C17orf67: variants seen among roughly 807,000 people sequenced by gnomAD.
C17orf67 encodes the protein uncharacterized protein C17orf67.
Under a neutral mutation model 11.2 loss-of-function variants are expected in C17orf67, and 12 were observed. The observed-to-expected ratio is 1.07, with a 90% CI of 0.68 to 1.73. The LOEUF is 1.73. Among genes scored for constraint, C17orf67 ranks in the 40% most tolerant of loss-of-function variants. The pLI is 0.00. For missense variants in C17orf67, 115 were observed against 113.5 expected, an observed-to-expected ratio of 1.01 and a Z score of -0.06; for synonymous variants, 59 against 46.9, an observed-to-expected ratio of 1.26 and a Z score of -1.05.
chr17:56,805,570 A>T (rs1204444716), intron 6 of C17orf67, among the ~76,000 whole-genome samples: 2 of 152,246 alleles, frequency 1.3e-5, no homozygotes, highest in African/African-American at 4.8e-5. Flanking sequence ...ATTGAATATT[A>T]AAAATAACAT....
At chr17:56,795,876 G>A (rs1463863581) in intron 6 of C17orf67, among the ~76,000 whole-genome samples, 1 of 152,166 alleles carries the variant, frequency 6.6e-6, no homozygotes, top group Non-Finnish European at 1.5e-5. Context: ...CTTAGAAATA[G>A]CATACTGAGT....
At chr17:56,810,864 T>A (rs1323125268) in intron 6 of C17orf67, among the ~76,000 whole-genome samples, 1 of 152,214 alleles carries the variant, frequency 6.6e-6, no homozygotes, top group African/African-American at 2.4e-5. Context: ...TTAAATGCAG[T>A]AAATTACCTC....
chr17:56,827,997 G>C (rs752441723), intron 2 of C17orf67, among the ~76,000 whole-genome samples: 39 of 151,658 alleles, frequency 2.6e-4, no homozygotes, highest in Non-Finnish European at 5.4e-4. Flanking sequence ...GCGAGATCAG[G>C]AGTTCGAGAT....
intron 6 of C17orf67, among the ~76,000 whole-genome samples, chr17:56,797,452 C>T (rs1485946386): frequency 6.6e-6 from 1 of 152,082 alleles, no homozygotes; most frequent in Non-Finnish European, 1.5e-5. Context: ...AGGGCCCAAT[C>T]AGAAGCCAGC....
At chr17:56,826,108 C>A (rs1906024498) in intron 2 of C17orf67, among the ~76,000 whole-genome samples, 1 of 152,148 alleles carries the variant, frequency 6.6e-6, no homozygotes, top group Admixed American at 6.5e-5. Context: ...GCACGCACCA[C>A]CACACCCAGC....
chr17:56,815,955 G>A lies in C17orf67; in HGVS notation c.-145C>T. 2 of 1,459,038 alleles carry A rather than the reference G, an allele frequency of 1.4e-6. No individual in the cohort carries two copies. Among genetic ancestry groups the A allele is most frequent in the Non-Finnish European group, 1.8e-6 (2 of 1,085,302 alleles). 90.4% of individuals were successfully genotyped at this position (1,459,038 alleles called of 1,614,324 possible). A position where few individuals can be genotyped will look rare whatever the true frequency, so the allele number is the denominator to read the frequency against. ...TGATGCTGAATGTATCTGACTCTGA[G>A]CGTTTTAGTAATGACCACTGAAATA... On this transcript the variant is annotated 5_prime_UTR_variant, in exon 5 of 8. Coordinates refer to ENST00000397861, the MANE Select transcript of C17orf67 (RefSeq NM_001085430.4).
intron 6 of C17orf67, among the ~76,000 whole-genome samples, chr17:56,805,971 C>CTTTTTT (rs10684052): frequency 1.3e-4 from 13 of 98,024 alleles, no homozygotes; most frequent in East Asian, 6.6e-4. Flanking sequence ...GTTGATTTTC[C>CTTTTTT]TTTTTTTTTT....
chr17:56,810,851 C>T (rs1242232840), intron 6 of C17orf67, among the ~76,000 whole-genome samples: 1 of 152,250 alleles, frequency 6.6e-6, no homozygotes, highest in Admixed American at 6.5e-5. Flanking sequence ...TTGACAGTCA[C>T]AGTTAAATGC....
At chr17:56,817,281 T>C (rs1397119770) in intron 4 of C17orf67, among the ~76,000 whole-genome samples, 1 of 152,198 alleles carries the variant, frequency 6.6e-6, no homozygotes, top group African/African-American at 2.4e-5. Context: ...AAGAAAACAA[T>C]ACCCTATGTG....
At chr17:56,807,782 T>G (rs569935501) in intron 6 of C17orf67, among the ~76,000 whole-genome samples, 2 of 151,790 alleles carry the variant, frequency 1.3e-5, no homozygotes, top group Non-Finnish European at 2.9e-5. Context: ...CCACTTTGTC[T>G]AAAGTAGAAA....
intron 2 of C17orf67, 78 bp downstream of exon 2, chr17:56,832,820 C>T (rs772265340): frequency 1.3e-5 from 2 of 152,184 alleles, no homozygotes; most frequent in African/African-American, 4.8e-5. Context: ...CTAGCTTTAT[C>T]TTCTACAGTT....
intron 6 of C17orf67, among the ~76,000 whole-genome samples, chr17:56,809,483 AAC>A (rs143751095): frequency 6.6e-6 from 1 of 151,324 alleles, no homozygotes; most frequent in Non-Finnish European, 1.5e-5. Context: ...GCCTTTTCAA[AAC>A]ACACACACAC....
intron 6 of C17orf67, among the ~76,000 whole-genome samples, chr17:56,813,815 T>C (rs1026151837): frequency 7.9e-5 from 12 of 151,200 alleles, no homozygotes; most frequent in Non-Finnish European, 1.3e-4. Context: ...TTATTTTACA[T>C]TATTATTTAT....
chr17:56,802,992 C>T lies in C17orf67; in HGVS notation c.157-7812G>A, dbSNP rs368316026. ...GGAATCCAGGCAGTGGTACCCAATT[C>T]TATTAGCGGTCATCGTATCCTTCCC... On this transcript the variant is annotated intron_variant, in intron 6 of 7. Transcript: ENST00000397861. Among the ~76,000 whole-genome samples the T allele has an allele frequency of 2.0e-5, 3 of 152,254 alleles. No homozygotes were observed. In the East Asian group the frequency reaches 5.8e-4, roughly 29 times the overall value.
Position 56,824,820 on chromosome 17 carries a change from C to T in C17orf67, c.-282G>A, listed in dbSNP as rs1905986222. The T allele has an allele frequency of 6.6e-6, 1 of 152,136 alleles. No homozygotes were observed. The highest frequency in any genetic ancestry group is 1.5e-5 in the Non-Finnish European group (1 of 68,034). The allele number at this position is 152,136 out of a possible 1,614,324, so 9.4% of individuals were successfully genotyped here. A position where few individuals can be genotyped will look rare whatever the true frequency, so the allele number is the denominator to read the frequency against. On this transcript the variant is annotated 5_prime_UTR_variant, in exon 4 of 8. Transcript: ENST00000397861. ...GCTTTGGGCTTTTCAGTCTTTCAAA[C>T]AAAACTGTATCATTCAGGGATACCC...
chr17:56,809,713 TCA>T (rs1905550350), intron 6 of C17orf67, among the ~76,000 whole-genome samples: 1 of 120,852 alleles, frequency 8.3e-6, no homozygotes, highest in Non-Finnish European at 1.7e-5. Context: ...CACACACTCC[TCA>T]CACATACACC....
rs762414230 is a variant in C17orf67, at chr17:56,833,198, G to T, written c.-857C>A. 1 of 153,538 alleles carries T rather than the reference G, an allele frequency of 6.5e-6. No individual in the cohort carries two copies. Among genetic ancestry groups the T allele is most frequent in the South Asian group, 1.9e-4 (1 of 5,194 alleles). The allele number at this position is 153,538 out of a possible 1,614,324, so 9.5% of individuals were successfully genotyped here. On this transcript the variant is annotated 5_prime_UTR_variant, in exon 2 of 8. Transcript: ENST00000397861. ...GCCTCTCTGGATTCCGTGTTTCTTC[G>T]GGGGTGCTGAGCAGCGGTGCTTCCG...
At chr17:56,800,674 C>A (rs924614314) in intron 6 of C17orf67, among the ~76,000 whole-genome samples, 1 of 152,154 alleles carries the variant, frequency 6.6e-6, no homozygotes, top group African/African-American at 2.4e-5. Flanking sequence ...ACTTTTCAGG[C>A]CTCAGCTTAG....
intron 2 of C17orf67, among the ~76,000 whole-genome samples, chr17:56,827,759 G>GGTGT (rs1906077382): frequency 6.6e-6 from 1 of 152,194 alleles, no homozygotes; most frequent in Non-Finnish European, 1.5e-5. Context: ...GGAAGACACT[G>GGTGT]GTGTGTCCAC....
Sources: allele counts gnomAD v4.1 joint callset (sites outside exome capture counted in the v4.1 genomes callset), GRCh38; gene constraint gnomAD v4.1.1; transcripts MANE v1.5; gene names NCBI Gene and HGNC (gene_info 2026-07-23, HGNC 2026-07-21).